Variants in PIDD1 observed in about 807,000 individuals in gnomAD.
PIDD1 encodes p53-induced death domain protein 1.
Under a neutral mutation model 80.0 loss-of-function variants are expected in PIDD1, and 72 were observed. The ratio of observed to expected loss-of-function variants is 0.90; its 90% CI spans 0.74 to 1.09. The LOEUF is 1.09. Among genes scored for constraint, PIDD1 ranks in the 50% least tolerant of loss-of-function variants. The pLI is 0.00. For synonymous variants in PIDD1, 655 were observed against 543.5 expected (o/e 1.21, Z -2.85); for missense variants, 1,329 against 1,228.3 (o/e 1.08, Z -1.23).
intron 15 of PIDD1, 35 bp from the exon 16 acceptor site, chr11:799,600 T>C (rs1590131847): frequency 1.3e-6 from 2 of 1,560,084 alleles, no homozygotes; most frequent in East Asian, 2.3e-5. Flanking sequence ...AGGGGTCCTG[T>C]CCACCTGCCC....
At chr11:800,696 C>G in intron 11 of PIDD1, 30 bp from the exon 12 acceptor site, 1 of 1,560,952 alleles carries the variant, frequency 6.4e-7, no homozygotes, top group Non-Finnish European at 8.6e-7. Context: ...GCTCAGGACC[C>G]AAAGCTCTGC....
Position 803,498 on chromosome 11 carries a change from G to A in PIDD1, c.385C>T (p.His129Tyr), listed in dbSNP as rs1205168458. 5.0e-6 allele frequency: 8 copies of A among 1,613,346 alleles called. No individual in the cohort carries two copies. Among genetic ancestry groups the A allele is most frequent in the Non-Finnish European group, 6.8e-6 (8 of 1,179,984 alleles). Reference sequence around the variant, plus strand: ...AGGCTGTTGAAGCTCAGGTCCAGGTGGGCCAGATGGGCCAGGCCACTCAGA... The same window carrying A: ...AGGCTGTTGAAGCTCAGGTCCAGGTAGGCCAGATGGGCCAGGCCACTCAGA... ...AGLSGLAHLA[H>Y]LDLSFNSLET... The change falls in exon 3 of 16, where the codon CAC (histidine) becomes TAC (tyrosine). Residue 129 changes from histidine (H) to tyrosine (Y), a missense_variant. By Grantham distance (83) the His-to-Tyr change is moderately conservative. Coordinates refer to ENST00000347755, the MANE Select transcript of PIDD1 (RefSeq NM_145886.4).
intron 4 of PIDD1, 31 bp downstream of exon 4, chr11:802,651 C>T (rs766813448): frequency 1.2e-6 from 2 of 1,606,320 alleles, no homozygotes; most frequent in Admixed American, 3.4e-5. Flanking sequence ...ATGTCCTATC[C>T]CAGGTCTGCC....
At chr11:805,381 G>A, upstream of PIDD1, 1 of 356,850 alleles carries the variant, frequency 2.8e-6, no homozygotes, top group Non-Finnish European at 3.9e-6. Context: ...TCCGCCTGTC[G>A]CAGCCCCGGA....
rs771512999 is a variant in PIDD1, at chr11:800,460, CA to C, written c.2042-10del. On this transcript the variant is annotated splice_polypyrimidine_tract_variant and intron_variant, in intron 12 of 15. Transcript: ENST00000347755. ...CACACAGTCAGGGCGGTCTAGGGGACAGGGGTGGGCTGAGCAAGGAGGGCTC... is the reference window on the plus strand; with the variant it reads ...CACACAGTCAGGGCGGTCTAGGGGACGGGGTGGGCTGAGCAAGGAGGGCTC... 19 of 1,611,944 alleles carry C rather than the reference CA, an allele frequency of 1.2e-5. No homozygotes were observed. Among genetic ancestry groups the C allele is most frequent in the African/African-American group, 2.7e-5 (2 of 74,944 alleles).
At chr11:805,288 C>T (rs559700658), upstream of PIDD1, 1 of 923,944 alleles carries the variant, frequency 1.1e-6, no homozygotes. Flanking sequence ...GCCCCTTGGG[C>T]CCCGCCCCCT....
rs1441796997 is a variant in PIDD1 at position 800,649 on chromosome 11, C to T, written c.1935G>A (p.Arg645=). 1 of 1,590,300 alleles carries T rather than the reference C, an allele frequency of 6.3e-7. No homozygotes were observed. Among genetic ancestry groups the T allele is most frequent in the South Asian group, 1.1e-5 (1 of 89,454 alleles). The change falls in exon 12 of 16, where the codon CGG becomes CGA. Residue 645 remains arginine (R), a synonymous_variant. Transcript: ENST00000347755. The part of the protein sequence containing the change: ...LPRNKVDATL[R]RLLERYRGPE... ...GGCCCCGGTACCGCTCCAGCAGCCG[C>T]CGAAGGGTGGCGTCCACCTGCGGGG...
rs774103198 is a variant in PIDD1, at chr11:803,604, C to A, written c.296-17G>T. 105 of 1,591,952 alleles carry A rather than the reference C, an allele frequency of 6.6e-5. No individual in the cohort carries two copies. The highest frequency in any genetic ancestry group is 8.6e-5 in the Non-Finnish European group (101 of 1,169,312). ...GTTGCCCTCCTGGGAAGGGGGGAGGCGGATGTGGCCCTCAGAGCCAGGGTC... is the reference window on the plus strand; with the variant it reads ...GTTGCCCTCCTGGGAAGGGGGGAGGAGGATGTGGCCCTCAGAGCCAGGGTC... On this transcript the variant is annotated splice_polypyrimidine_tract_variant and intron_variant, in intron 2 of 15. Transcript: ENST00000347755.
chr11:804,322 A>G lies in PIDD1; in HGVS notation c.67T>C (p.Ser23Pro). 6.2e-7 allele frequency: 1 copy of G among 1,612,376 alleles called. No homozygotes were observed. The change falls in exon 2 of 16, where the codon TCG becomes CCG. Residue 23 changes from serine (S) to proline (P), a missense_variant. Transcript: ENST00000347755. ...GGCAGCGCCCTGGACCCTGCGTCCG[A>G]ATCCTCTGAAGCATCTCCTGCGGCA... is the stretch of plus-strand genomic sequence containing the variant. ...AAAAGDASED[S>P]DAGSRALPFL...
At chr11:808,284 G>A (rs796969323), upstream of PIDD1, among the ~76,000 whole-genome samples, 29 of 152,064 alleles carry the variant, frequency 1.9e-4, no homozygotes, top group African/African-American at 6.8e-4. Flanking sequence ...AAAATTAGCC[G>A]GGCATGGTAG....
intron 12 of PIDD1, 32 bp downstream of exon 12, chr11:800,511 C>T (rs1865192847): frequency 6.2e-7 from 1 of 1,609,908 alleles, no homozygotes. Context: ...GGCTCCCCCT[C>T]CAGGGCAGGG....
intron 15 of PIDD1, 108 bp from the exon 16 acceptor site, chr11:799,673 C>T (rs1284410591): frequency 3.6e-5 from 50 of 1,397,636 alleles, no homozygotes; most frequent in Non-Finnish European, 4.4e-5. Context: ...GGGCCAGGTG[C>T]GGCCAGACCT....
rs1188170668 is a variant in PIDD1 at position 804,169 on chromosome 11, C to T, written c.220G>A (p.Asp74Asn). The change falls in exon 2 of 16, where the codon GAC (aspartate) becomes AAC (asparagine). Residue 74 changes from aspartate to asparagine, a missense_variant. By Grantham distance (23) the Asp-to-Asn change is conservative. Coordinates refer to ENST00000347755, the MANE Select transcript of PIDD1 (RefSeq NM_145886.4). The stretch of plus-strand genomic sequence containing the variant: ...AGGGTGGCCTCCAGCAGCTGAGGGT[C>T]CTCGTGAGTGCTCAGACGCAAGAAT... ...VEFLRLSTHE[D>N]PQLLEATLAQ... The T allele has an allele frequency of 6.2e-7, 1 of 1,613,378 alleles. No individual in the cohort carries two copies. Among genetic ancestry groups the T allele is most frequent in the Non-Finnish European group, 8.5e-7 (1 of 1,179,928 alleles).
intron 2 of PIDD1, 67 bp from the exon 3 acceptor site, chr11:803,654 G>A: frequency 6.5e-7 from 1 of 1,535,450 alleles, no homozygotes. Context: ...GACCCTGCCA[G>A]CCAGAGAAAC....
chr11:800,443 C>T lies in PIDD1; in HGVS notation c.2050G>A (p.Asp684Asn), dbSNP rs760799585. The change falls in exon 13 of 16, where the codon GAC becomes AAC. Residue 684 changes from aspartate (D) to asparagine (N), a missense_variant. Transcript: ENST00000347755. Reference protein sequence around the residue: ...RGIDVDADRPDCVEGRICFVF... With the variant: ...RGIDVDADRPNCVEGRICFVF... ...AAGCAGATTCTGCCCTCCACACAGT[C>T]AGGGCGGTCTAGGGGACAGGGGTGG... 2.5e-6 allele frequency: 4 copies of T among 1,612,540 alleles called. No homozygotes were observed. The Admixed American group carries it at 6.7e-5, about 27-fold the overall frequency.
upstream of PIDD1, among the ~76,000 whole-genome samples, chr11:806,686 C>T (rs1025133349): frequency 6.6e-6 from 1 of 152,000 alleles, no homozygotes; most frequent in Non-Finnish European, 1.5e-5. Flanking sequence ...GGGTTCACAC[C>T]GTTCTCCTGC....
chr11:803,471 C>T lies in PIDD1; in HGVS notation c.412G>A (p.Glu138Lys), dbSNP rs974929337. The T allele has an allele frequency of 4.3e-6, 7 of 1,613,680 alleles. 1 individual carries two copies. The African/African-American group carries it at 8.0e-5, about 18-fold the overall frequency. Residue 138 changes from glutamate to lysine, a missense_variant, in exon 3 of 16, where the codon GAG becomes AAG. Physicochemically the swap from Glu to Lys is moderately conservative, Grantham distance 56. Coordinates refer to ENST00000347755, the MANE Select transcript of PIDD1 (RefSeq NM_145886.4). ...AHLDLSFNSL[E>K]TLPACVLQMR... ...TGCAGGACACAGGCCGGCAGTGTCTCCAGGCTGTTGAAGCTCAGGTCCAGG... is the reference window on the plus strand; with the variant it reads ...TGCAGGACACAGGCCGGCAGTGTCTTCAGGCTGTTGAAGCTCAGGTCCAGG...
rs746082662 is a variant in PIDD1 at position 801,453 on chromosome 11, A to G, written c.1474T>C (p.Ser492Pro). Residue 492 changes from serine (S) to proline (P), a missense_variant, in exon 8 of 16, where the codon TCC becomes CCC. Ser to Pro is a moderately conservative substitution (Grantham distance 74). Coordinates refer to ENST00000347755, the MANE Select transcript of PIDD1 (RefSeq NM_145886.4). ...TGCTGTCCTGGCCATACCTGCATGG[A>G]GACTCGACGAGGCTCCTCAGTGGCC... is the stretch of plus-strand genomic sequence containing the variant. ...PGATEEPRRV[S>P]MQVVRMAGRE... 3.0e-5 allele frequency: 47 copies of G among 1,544,144 alleles called. No homozygotes were observed. The highest frequency in any genetic ancestry group is 4.1e-5 in the African/African-American group (3 of 73,410).
intron 5 of PIDD1, 37 bp downstream of exon 5, chr11:802,502 GCAGA>G: frequency 6.2e-7 from 1 of 1,606,362 alleles, no homozygotes; most frequent in South Asian, 1.1e-5. Flanking sequence ...AGAGTGACAG[GCAGA>G]CAGACTCCCC....
Sources: allele counts gnomAD v4.1 joint callset (sites outside exome capture counted in the v4.1 genomes callset), GRCh38; gene constraint gnomAD v4.1.1; transcripts MANE v1.5; gene names NCBI Gene and HGNC (gene_info 2026-07-23, HGNC 2026-07-21).